Variants in SEZ6L observed in about 807,000 individuals in gnomAD.
SEZ6L encodes seizure related 6 homolog like.
In SEZ6L, 37 loss-of-function variants were observed where a neutral mutation model predicts 106.2. The ratio of observed to expected loss-of-function variants is 0.35; its 90% CI spans 0.27 to 0.46. The LOEUF is 0.46. SEZ6L is among the 20% of genes least tolerant of loss of function. The pLI, the probability that SEZ6L is intolerant of heterozygous loss-of-function variation, is 1.00. For missense variants in SEZ6L, 1,172 were observed against 1,332.8 expected, an observed-to-expected ratio of 0.88 and a Z score of 1.88; for synonymous variants, 541 against 570.4, an observed-to-expected ratio of 0.95 and a Z score of 0.73.
At chr22:26,208,336 T>A (rs1941394296) in intron 1 of SEZ6L, among the ~76,000 whole-genome samples, 1 of 152,260 alleles carries the variant, frequency 6.6e-6, no homozygotes, top group Non-Finnish European at 1.5e-5. Flanking sequence ...CTATTTGGTG[T>A]CATTTTCCTT....
chr22:26,313,774 T>C lies in SEZ6L; in HGVS notation c.1887T>C (p.Gly629=), dbSNP rs2081917636. The part of the protein sequence containing the change: ...DTEPLCRAMC[G]GELSAVAGVV... Reference sequence around the variant, plus strand: ...GTCTGTCTTTTACAGCCATGTGTGGTGGGGAGCTCTCTGCTGTGGCTGGGG... The same window carrying C: ...GTCTGTCTTTTACAGCCATGTGTGGCGGGGAGCTCTCTGCTGTGGCTGGGG... The change falls in exon 9 of 17, where the codon GGT becomes GGC. Residue 629 remains glycine (G), a synonymous_variant. Transcript: ENST00000248933. 3.7e-6 allele frequency: 6 copies of C among 1,609,548 alleles called. 1 individual carries two copies. In the South Asian group the frequency reaches 6.6e-5, roughly 18 times the overall value.
chr22:26,297,000 G>T lies in SEZ6L; in HGVS notation c.1082G>T (p.Arg361Leu). 1 of 1,614,064 alleles carries T rather than the reference G, an allele frequency of 6.2e-7. No homozygotes were observed. The highest frequency in any genetic ancestry group is 8.5e-7 in the Non-Finnish European group (1 of 1,179,984). Residue 361 changes from arginine to leucine, a missense_variant, in exon 4 of 17, where the codon CGA becomes CTA. Physicochemically the swap from Arg to Leu is moderately radical, Grantham distance 102. Around this residue, in one of 4 missense-constraint regions of SEZ6L, gnomAD observed 534 missense variants for 691.0 expected, o/e 0.77. Coordinates refer to ENST00000248933, the MANE Select transcript of SEZ6L (RefSeq NM_021115.5). Reference protein sequence around the residue: ...QTLLVEGQVIRSPTNTISVYF... With the variant: ...QTLLVEGQVILSPTNTISVYF... ...CTCCTGGTGGAGGGGCAGGTAATCC[G>T]AAGCCCCACCAACACCATCTCCGTC...
intron 1 of SEZ6L, among the ~76,000 whole-genome samples, chr22:26,267,929 A>C (rs115905648): frequency 1.1e-3 from 174 of 152,352 alleles, no homozygotes; most frequent in African/African-American, 4.0e-3. Context: ...GTCTGGCTGC[A>C]TCTGGACCAT....
chr22:26,350,050 T>C (rs2146019224), intron 11 of SEZ6L, among the ~76,000 whole-genome samples: 1 of 152,232 alleles, frequency 6.6e-6, no homozygotes, highest in African/African-American at 2.4e-5. Flanking sequence ...TTCCATGATA[T>C]TTAACTCTTT....
chr22:26,244,922 G>A (rs1261224850), intron 1 of SEZ6L, among the ~76,000 whole-genome samples: 1 of 152,180 alleles, frequency 6.6e-6, no homozygotes, highest in East Asian at 1.9e-4. Context: ...AGGGGTTTGT[G>A]TTTGCTCCTT....
intron 2 of SEZ6L, 29 bp from the exon 3 acceptor site, chr22:26,294,263 G>C: frequency 6.2e-6 from 10 of 1,611,828 alleles, no homozygotes; most frequent in Non-Finnish European, 8.5e-6. Flanking sequence ...AGTTGTCTTT[G>C]GTGTCCTAAT....
intron 1 of SEZ6L, chr22:26,244,359 C>A (rs974340835): frequency 2.0e-5 from 3 of 152,204 alleles, no homozygotes; most frequent in Non-Finnish European, 4.4e-5. Context: ...GTTTCCTGAG[C>A]ACCCTTTGGT....
At chr22:26,176,372 A>T (rs537897972) in intron 1 of SEZ6L, among the ~76,000 whole-genome samples, 8 of 152,310 alleles carry the variant, frequency 5.3e-5, no homozygotes, top group Admixed American at 3.3e-4. Context: ...GTTTGACAGG[A>T]CTCCAAGAGG....
chr22:26,198,521 C>A (rs1940726022), intron 1 of SEZ6L, among the ~76,000 whole-genome samples: 1 of 152,180 alleles, frequency 6.6e-6, no homozygotes. Flanking sequence ...TGATATGATA[C>A]CAGCATATAC....
At chr22:26,184,764 G>GA (rs1174897826) in intron 1 of SEZ6L, among the ~76,000 whole-genome samples, 4 of 151,854 alleles carry the variant, frequency 2.6e-5, no homozygotes, top group Admixed American at 6.6e-5. Context: ...TACAATAAAA[G>GA]AAAAAAAAGT....
chr22:26,328,251 A>G (rs1387375838), intron 9 of SEZ6L, among the ~76,000 whole-genome samples: 1 of 152,244 alleles, frequency 6.6e-6, no homozygotes, highest in Non-Finnish European at 1.5e-5. Flanking sequence ...TCGTCACACC[A>G]GGATTTGTTG....
chr22:26,256,121 A>G (rs1308211368), intron 1 of SEZ6L, among the ~76,000 whole-genome samples: 2 of 152,240 alleles, frequency 1.3e-5, no homozygotes, highest in East Asian at 1.9e-4. Flanking sequence ...ATAAATAAGC[A>G]AAGATAAAAA....
rs186302225 is a variant in SEZ6L, at chr22:26,188,557, A to G, written c.94+18794A>G. ...GCTCTCTAAACATGACTTGGCAGCC[A>G]TCTATAACCTACCACTCCCTTGTAC... On this transcript the variant is annotated intron_variant, in intron 1 of 16. Coordinates refer to ENST00000248933, the MANE Select transcript of SEZ6L (RefSeq NM_021115.5). Among the ~76,000 whole-genome samples, 185 of 152,310 alleles carry G rather than the reference A, an allele frequency of 1.2e-3. 1 individual carries two copies. Among genetic ancestry groups the G allele is most frequent in the African/African-American group, 4.3e-3 (180 of 41,576 alleles).
chr22:26,379,031 A>C (rs776636043), intron 16 of SEZ6L, among the ~76,000 whole-genome samples: 18 of 152,236 alleles, frequency 1.2e-4, no homozygotes, highest in Non-Finnish European at 1.8e-4. Flanking sequence ...CAGGCTACAA[A>C]CAAGGCAGCA....
chr22:26,244,861 G>T (rs986556975), intron 1 of SEZ6L, among the ~76,000 whole-genome samples: 2 of 152,180 alleles, frequency 1.3e-5, no homozygotes, highest in Admixed American at 6.5e-5. Flanking sequence ...GGATTTCAGT[G>T]CAGCTGAGTT....
intron 1 of SEZ6L, among the ~76,000 whole-genome samples, chr22:26,263,890 C>T (rs1411433549): frequency 6.6e-6 from 1 of 152,230 alleles, no homozygotes; most frequent in East Asian, 1.9e-4. Flanking sequence ...TTAGTCCCCA[C>T]AGCTAGCCAT....
At chr22:26,266,750 G>C (rs2080204385) in intron 1 of SEZ6L, among the ~76,000 whole-genome samples, 1 of 151,990 alleles carries the variant, frequency 6.6e-6, no homozygotes, top group African/African-American at 2.4e-5. Flanking sequence ...TTAGGGCAGA[G>C]ACCAGGTCAG....
chr22:26,229,286 C>T (rs1039795904), intron 1 of SEZ6L, among the ~76,000 whole-genome samples: 1 of 152,148 alleles, frequency 6.6e-6, no homozygotes, highest in African/African-American at 2.4e-5. Context: ...TGTGAGCCAC[C>T]ACTCCCAGCC....
In SEZ6L at chr22:26,287,217, T is replaced by C. The variant is rs200645904; in HGVS notation, c.95-5189T>C. Among the ~76,000 whole-genome samples the C allele has an allele frequency of 2.3e-4, 35 of 152,224 alleles. No homozygotes were observed. The East Asian group carries it at 5.6e-3, about 24-fold the overall frequency. On this transcript the variant is annotated intron_variant, in intron 1 of 16. Transcript: ENST00000248933. ...CTTCTACGTGGCATGGCTCTGTCCT[T>C]TGGGGGAAGAGCAACATCAGCGTGC...
Sources: gnomAD v4.1 joint callset for allele counts (sites outside exome capture counted in the v4.1 genomes callset) on GRCh38, gnomAD v4.1.1 for gene constraint, gnomAD v4.1.1 regional missense constraint, MANE v1.5 for transcripts, NCBI Gene and HGNC (gene_info 2026-07-23, HGNC 2026-07-21) for gene names.